The following RNF144A variants were observed in gnomAD, a reference collection of about 807,000 sequenced individuals.
RNF144A encodes ring finger protein 144A.
RNF144A carries 11 observed loss-of-function variants against 38.7 expected under a neutral mutation model. That is an observed-to-expected ratio of 0.28 (90% CI 0.18 to 0.47). RNF144A has a LOEUF of 0.47. Among genes scored for constraint, RNF144A ranks in the 20% least tolerant of loss-of-function variants. The pLI is 0.99. For synonymous variants in RNF144A, 149 were observed against 143.9 expected (o/e 1.04, Z -0.25); for missense variants, 316 against 377.2 (o/e 0.84, Z 1.34).
intron 1 of RNF144A, among the ~76,000 whole-genome samples, chr2:6,923,795 C>CTTTTTTTTTTTTTTTTTTTT (rs145998969): frequency 6.8e-6 from 1 of 147,110 alleles, no homozygotes. Flanking sequence ...TCCATAGCAA[C>CTTTTTTTTTTTTTTTTTTTT]TTTATTTTTT....
Position 7,041,338 on chromosome 2 carries a change from C to A in RNF144A, c.*1578C>A. 2 of 985,764 alleles carry A rather than the reference C, an allele frequency of 2.0e-6. No individual in the cohort carries two copies. Among genetic ancestry groups the A allele is most frequent in the South Asian group, 9.4e-5 (2 of 21,286 alleles). 61.1% of individuals were successfully genotyped at this position (985,764 alleles called of 1,614,324 possible). ...TGGAAATTTATTTCTTATTTCCTAA[C>A]ATTGAATTCGTTAGAAAAAACAGCG... On this transcript the variant is annotated 3_prime_UTR_variant, in exon 9 of 9. Coordinates refer to ENST00000320892, the MANE Select transcript of RNF144A (RefSeq NM_014746.6).
At chr2:6,953,213 G>A (rs1666795584) in intron 2 of RNF144A, among the ~76,000 whole-genome samples, 1 of 152,146 alleles carries the variant, frequency 6.6e-6, no homozygotes, top group Non-Finnish European at 1.5e-5. Context: ...GATCACCTGA[G>A]GTCAGGAGCT....
intron 8 of RNF144A, among the ~76,000 whole-genome samples, chr2:7,032,574 G>A (rs565242401): frequency 6.6e-6 from 1 of 152,380 alleles, no homozygotes; most frequent in African/African-American, 2.4e-5. Context: ...CCAGCCATCT[G>A]CGGCATTCCT....
rs1288520307 is a variant in RNF144A, at chr2:6,917,609, A to T, written c.-225A>T. The T allele has an allele frequency of 8.8e-5, 13 of 147,662 alleles. No homozygotes were observed. Among genetic ancestry groups the T allele is most frequent in the African/African-American group, 1.2e-4 (5 of 41,022 alleles). The allele number at this position is 147,662 out of a possible 1,614,324, so 9.1% of individuals were successfully genotyped here. A position where few individuals can be genotyped will look rare whatever the true frequency, so the allele number is the denominator to read the frequency against. On this transcript the variant is annotated 5_prime_UTR_variant, in exon 1 of 9. Coordinates refer to ENST00000320892, the MANE Select transcript of RNF144A (RefSeq NM_014746.6). This position sits in a 1 kb window ranked among gnomAD's most constrained non-coding sequence, Gnocchi z 4.8. ...GAGGCGTCAGAGCCGCGCACCGCGGACGAGCAGGCCCAGGTAGAGTGACGC... is the reference window on the plus strand; with the variant it reads ...GAGGCGTCAGAGCCGCGCACCGCGGTCGAGCAGGCCCAGGTAGAGTGACGC...
intron 6 of RNF144A, among the ~76,000 whole-genome samples, chr2:7,053,063 G>C (rs1366101096): frequency 6.6e-6 from 1 of 152,180 alleles, no homozygotes; most frequent in Non-Finnish European, 1.5e-5. Flanking sequence ...AGTCAGTTTA[G>C]ATATTTGCAA....
intron 3 of RNF144A, 52 bp from the exon 4 acceptor site, chr2:7,014,402 C>T: frequency 1.7e-6 from 2 of 1,210,292 alleles, no homozygotes; most frequent in Non-Finnish European, 1.2e-6. Context: ...ATGGTTTCTT[C>T]AGCATTAAGG....
At chr2:7,027,961 G>A (rs1223868278) in intron 7 of RNF144A, among the ~76,000 whole-genome samples, 8 of 138,308 alleles carry the variant, frequency 5.8e-5, no homozygotes, top group African/African-American at 1.3e-4. Context: ...GACCCCATGC[G>A]GGTCTGGTGA....
At position 6,986,768 on chromosome 2, in the gene RNF144A, C is replaced by G. The variant is rs139031191; in HGVS notation, c.-11-10148C>G. Among the ~76,000 whole-genome samples, 633 of 152,092 alleles carry G rather than the reference C, an allele frequency of 4.2e-3. 7 individuals are homozygous for G. Among genetic ancestry groups the G allele is most frequent in the Non-Finnish European group, 6.2e-3 (420 of 67,988 alleles). ...TTGCAATAAAACATTAAGGGTGGTTCATTATCTGATAGAAGGAAGTGGGGT... is the reference window on the plus strand; with the variant it reads ...TTGCAATAAAACATTAAGGGTGGTTGATTATCTGATAGAAGGAAGTGGGGT... On this transcript the variant is annotated intron_variant, in intron 2 of 8. Transcript: ENST00000320892.
chr2:6,929,129 T>G (rs550256658), intron 1 of RNF144A, among the ~76,000 whole-genome samples: 7 of 152,276 alleles, frequency 4.6e-5, no homozygotes, highest in African/African-American at 1.4e-4. Context: ...ACATATGACA[T>G]GTTATGTCAA....
chr2:6,980,302 C>T (rs1016409097), intron 2 of RNF144A, among the ~76,000 whole-genome samples: 1 of 152,170 alleles, frequency 6.6e-6, no homozygotes, highest in Non-Finnish European at 1.5e-5. Context: ...CCCAAAAGTC[C>T]AAGTCCATAG....
chr2:7,023,260 G>A (rs1176539365), intron 6 of RNF144A, among the ~76,000 whole-genome samples: 2 of 152,148 alleles, frequency 1.3e-5, no homozygotes, highest in Non-Finnish European at 2.9e-5. Flanking sequence ...ACCCCAAGTG[G>A]AGGATTGTTC....
intron 2 of RNF144A, among the ~76,000 whole-genome samples, chr2:6,990,415 CACACACACACACACACACACAG>C (rs1402159841): frequency 6.5e-5 from 9 of 139,390 alleles, no homozygotes; most frequent in African/African-American, 1.7e-4. Context: ...CACACACACA[CACACACACACACACACACACAG>C]AGCTATATAT....
chr2:7,021,918 G>T (rs1302281101), intron 6 of RNF144A, among the ~76,000 whole-genome samples: 4 of 152,226 alleles, frequency 2.6e-5, no homozygotes, highest in Non-Finnish European at 5.9e-5. Context: ...TGACATTCTA[G>T]TCTCATTTAA....
intron 1 of RNF144A, among the ~76,000 whole-genome samples, chr2:6,926,932 G>A (rs1664912068): frequency 6.6e-6 from 1 of 152,166 alleles, no homozygotes. Context: ...AAGGGATGGG[G>A]CAGAGCGGGG....
At chr2:6,938,059 C>A (rs1665706570) in intron 1 of RNF144A, among the ~76,000 whole-genome samples, 1 of 152,206 alleles carries the variant, frequency 6.6e-6, no homozygotes, top group Admixed American at 6.5e-5. Context: ...TGAATTTGTT[C>A]TTTGCTTCCC....
intron 2 of RNF144A, among the ~76,000 whole-genome samples, chr2:6,967,414 G>A (rs148436352): frequency 0.013 from 1,957 of 152,316 alleles, 41 homozygotes; most frequent in African/African-American, 0.044. Context: ...GAAGGGAACC[G>A]GCCCAGGGTC....
At chr2:6,920,599 C>T (rs918379054) in intron 1 of RNF144A, among the ~76,000 whole-genome samples, 4 of 152,162 alleles carry the variant, frequency 2.6e-5, no homozygotes, top group African/African-American at 9.7e-5. Context: ...AGAGGCAGCC[C>T]AGAGGCGGGG....
Position 7,042,875 on chromosome 2 carries a change from T to A in RNF144A, c.*3115T>A. 1.0e-6 allele frequency: 1 copy of A among 985,238 alleles called. No individual in the cohort carries two copies. Among genetic ancestry groups the A allele is most frequent in the South Asian group, 4.7e-5 (1 of 21,282 alleles). 61.0% of individuals were successfully genotyped at this position (985,238 alleles called of 1,614,324 possible). On this transcript the variant is annotated 3_prime_UTR_variant, in exon 9 of 9. Transcript: ENST00000320892. ...CACCTCTGGCATTTTCTTTCTTTTT[T>A]TTTCTTTTTGAGACGGAGTTTCGCT... is the stretch of plus-strand genomic sequence containing the variant.
intron 2 of RNF144A, among the ~76,000 whole-genome samples, chr2:6,946,415 ATC>A (rs1666346160): frequency 6.6e-6 from 1 of 152,120 alleles, no homozygotes; most frequent in South Asian, 2.1e-4. Context: ...GATTTTAATG[ATC>A]TGTTTTATGA....
Sources: allele counts gnomAD v4.1 joint callset (sites outside exome capture counted in the v4.1 genomes callset), GRCh38; gene constraint gnomAD v4.1.1; non-coding constraint Gnocchi (gnomAD v3.1); transcripts MANE v1.5; gene names NCBI Gene and HGNC (gene_info 2026-07-23, HGNC 2026-07-21).